The following DLX4 variants were observed in gnomAD, a reference collection of about 807,000 sequenced individuals.
The protein encoded by DLX4 is distal-less homeobox 4, also known as homeobox protein DLX-4.
DLX4 carries 13 observed loss-of-function variants against 17.1 expected under a neutral mutation model. That is an observed-to-expected ratio of 0.76 (90% CI 0.49 to 1.21). The LOEUF is 1.21. DLX4 is among the 50% of genes most tolerant of loss of function. DLX4 has a pLI of 0.00. For missense variants in DLX4, 297 were observed against 301.4 expected, an observed-to-expected ratio of 0.99 and a Z score of 0.11; for synonymous variants, 129 against 140.3, an observed-to-expected ratio of 0.92 and a Z score of 0.57.
At position 49,969,751 on chromosome 17, in the gene DLX4, G is replaced by A; in HGVS notation, c.283G>A (p.Asp95Asn). ...AGAGCACCCTCAGGAACTCGAGGCA[G>A]GTAAGTTCGGCCGTGGAGGCTCTTC... ...PAEHPQELEA[D>N]SEKPRLSPEP... Residue 95 changes from aspartate (D) to asparagine (N), a missense_variant and splice_region_variant, in exon 1 of 3, where the codon GAC (aspartate) becomes AAC (asparagine). Coordinates refer to ENST00000240306, the MANE Select transcript of DLX4 (RefSeq NM_138281.3). The A allele has an allele frequency of 9.4e-6, 15 of 1,587,852 alleles. No individual in the cohort carries two copies. The highest frequency in any genetic ancestry group is 1.7e-5 in the Admixed American group (1 of 58,846).
In DLX4 at chr17:49,973,910, C is replaced by T; in HGVS notation, c.690C>T (p.Ser230=). 4 of 1,610,876 alleles carry T rather than the reference C, an allele frequency of 2.5e-6. No homozygotes were observed. The highest frequency in any genetic ancestry group is 3.4e-6 in the Non-Finnish European group (4 of 1,178,618). Residue 230 remains serine, a synonymous_variant, in exon 3 of 3, where the codon TCC becomes TCT. Coordinates refer to ENST00000240306, the MANE Select transcript of DLX4 (RefSeq NM_138281.3). ...TTGGAGCCTGGTATCAGCATCACTC[C>T]TCAGATGTCCTGGCTTCGCCTCAGA... The part of the protein sequence containing the change: ...NSFGAWYQHH[S]SDVLASPQMM
chr17:49,974,012 C>CAGCCCAGGACCCAGGCAGTCCA lies in DLX4; in HGVS notation c.*69_*70insAGCCCAGGACCCAGGCAGTCCA. 3.3e-6 allele frequency: 5 copies of CAGCCCAGGACCCAGGCAGTCCA among 1,495,544 alleles called. No individual in the cohort carries two copies. The African/African-American group carries it at 7.0e-5, about 21-fold the overall frequency. 92.6% of individuals were successfully genotyped at this position (1,495,544 alleles called of 1,614,324 possible). ...CCAGGACCCAGGCAGTCCACCTGCA[C>CAGCCCAGGACCCAGGCAGTCCA]CCCTTCTGGGCTGGGAGGAAACCAG... On this transcript the variant is annotated 3_prime_UTR_variant, in exon 3 of 3. Transcript: ENST00000240306.
chr17:49,969,310 G>A lies in DLX4; in HGVS notation c.-159G>A. The A allele has an allele frequency of 1.2e-6, 1 of 841,962 alleles. No homozygotes were observed. Among genetic ancestry groups the A allele is most frequent in the East Asian group, 3.0e-5 (1 of 33,232 alleles). 52.2% of individuals were successfully genotyped at this position (841,962 alleles called of 1,614,324 possible). A position where few individuals can be genotyped will look rare whatever the true frequency, so the allele number is the denominator to read the frequency against. On this transcript the variant is annotated 5_prime_UTR_variant, in exon 1 of 3. It removes the in-frame stop codon of an upstream open reading frame in the 5' UTR. Coordinates refer to ENST00000240306, the MANE Select transcript of DLX4 (RefSeq NM_138281.3). ...CTTTCCCAGGCGCGCGTTCTCCGCTGAAAGAGGCTCAGAGAGACACTTTCT... is the reference window on the plus strand; with the variant it reads ...CTTTCCCAGGCGCGCGTTCTCCGCTAAAAGAGGCTCAGAGAGACACTTTCT...
rs1210725250 is a variant in DLX4, at chr17:49,973,286, C to G, written c.480+17C>G. On this transcript the variant is annotated intron_variant, in intron 2 of 2. Coordinates refer to ENST00000240306, the MANE Select transcript of DLX4 (RefSeq NM_138281.3). Reference sequence around the variant, plus strand: ...CAGACCCAGGTGGGGCCAGTGTCGTCCTTCCCCATCTCTCACCTTCCCTGG... The same window carrying G: ...CAGACCCAGGTGGGGCCAGTGTCGTGCTTCCCCATCTCTCACCTTCCCTGG... 5.6e-6 allele frequency: 9 copies of G among 1,612,288 alleles called. No homozygotes were observed. Among genetic ancestry groups the G allele is most frequent in the South Asian group, 2.2e-5 (2 of 90,992 alleles).
intron 1 of DLX4, among the ~76,000 whole-genome samples, chr17:49,970,289 C>T (rs932404676): frequency 2.0e-5 from 3 of 152,216 alleles, no homozygotes; most frequent in South Asian, 2.1e-4. Context: ...TGGCCTTACC[C>T]GCTCTCCTCA....
Position 49,973,059 on chromosome 17 carries a change from G to A in DLX4, c.284-14G>A. ...CCCTCCTCGCCCCCTACACCGTGTT[G>A]TGCTGCCCACCAGACTCGGAGAAGC... is the stretch of plus-strand genomic sequence containing the variant. On this transcript the variant is annotated splice_polypyrimidine_tract_variant and intron_variant, in intron 1 of 2. Transcript: ENST00000240306. 6.2e-7 allele frequency: 1 copy of A among 1,613,916 alleles called. No individual in the cohort carries two copies. Among genetic ancestry groups the A allele is most frequent in the Non-Finnish European group, 8.5e-7 (1 of 1,179,884 alleles).
intron 1 of DLX4, 25 bp from the exon 2 acceptor site, chr17:49,973,048 T>G (rs1598148070): frequency 6.2e-7 from 1 of 1,613,308 alleles, no homozygotes; most frequent in Non-Finnish European, 8.5e-7. Flanking sequence ...CCTCGCCCCC[T>G]ACACCGTGTT....
At chr17:49,971,672 A>G (rs1905510500) in intron 1 of DLX4, among the ~76,000 whole-genome samples, 1 of 152,086 alleles carries the variant, frequency 6.6e-6, no homozygotes, top group African/African-American at 2.4e-5. Context: ...CCACGCAGCC[A>G]GAGAGGCGCG....
chr17:49,972,588 C>T lies in DLX4; in HGVS notation c.284-485C>T. The T allele has an allele frequency of 4.7e-6, 2 of 421,922 alleles. No homozygotes were observed. The highest frequency in any genetic ancestry group is 2.1e-5 in the African/African-American group (1 of 47,168). 26.1% of individuals were successfully genotyped at this position (421,922 alleles called of 1,614,324 possible). On this transcript the variant is annotated intron_variant, in intron 1 of 2. Coordinates refer to ENST00000240306, the MANE Select transcript of DLX4 (RefSeq NM_138281.3). This position sits in a 1 kb window ranked among gnomAD's most constrained non-coding sequence, Gnocchi z 5.4. ...CGGGCCTCTCACCCACCCCGCTGGCCGCAGCCGGAGGCTGCCACGCGGACA... is the reference window on the plus strand; with the variant it reads ...CGGGCCTCTCACCCACCCCGCTGGCTGCAGCCGGAGGCTGCCACGCGGACA...
In DLX4 at chr17:49,973,809, T is replaced by G; in HGVS notation, c.589T>G (p.Cys197Gly). ...FPGRTFSVSP[C>G]SPPLPSLWDL... ...TGGGAGGACCTTCTCTGTGTCTCCC[T>G]GCTCCCCACCCCTCCCCTCCCTCTG... Residue 197 changes from cysteine (C) to glycine (G), a missense_variant, in exon 3 of 3, where the codon TGC becomes GGC. By Grantham distance (159) the Cys-to-Gly change is radical (BLOSUM62 -3). Transcript: ENST00000240306. 33 of 1,606,232 alleles carry G rather than the reference T, an allele frequency of 2.1e-5. No homozygotes were observed. Among genetic ancestry groups the G allele is most frequent in the Non-Finnish European group, 2.7e-5 (32 of 1,175,872 alleles).
chr17:49,974,469 T>C lies in DLX4; in HGVS notation c.*526T>C, dbSNP rs1359162653. Reference sequence around the variant, plus strand: ...CTCCCACCCACCCAGCGATTTTTCCTTGGAGGTCAGCCCGTTACCCCCATA... The same window carrying C: ...CTCCCACCCACCCAGCGATTTTTCCCTGGAGGTCAGCCCGTTACCCCCATA... On this transcript the variant is annotated 3_prime_UTR_variant, in exon 3 of 3. Transcript: ENST00000240306. The C allele has an allele frequency of 2.0e-5, 3 of 152,138 alleles. No homozygotes were observed. Among genetic ancestry groups the C allele is most frequent in the East Asian group, 3.9e-4 (2 of 5,174 alleles). 9.4% of individuals were successfully genotyped at this position (152,138 alleles called of 1,614,324 possible). A position where few individuals can be genotyped will look rare whatever the true frequency, so the allele number is the denominator to read the frequency against.
chr17:49,968,625 G>A (rs1276037532), upstream of DLX4, among the ~76,000 whole-genome samples: 1 of 151,940 alleles, frequency 6.6e-6, no homozygotes, highest in Non-Finnish European at 1.5e-5. Context: ...CGGTCTCGGC[G>A]TGCCAGGCCC....
intron 2 of DLX4, chr17:49,973,478 C>A: frequency 2.0e-6 from 2 of 993,714 alleles, no homozygotes; most frequent in South Asian, 3.1e-5. Context: ...TGGAGTGGGT[C>A]AGGAAGAGGA....
rs948760906 is a variant in DLX4, at chr17:49,972,742, C to G, written c.284-331C>G. 2.9e-6 allele frequency: 4 copies of G among 1,382,464 alleles called. No individual in the cohort carries two copies. The highest frequency in any genetic ancestry group is 3.7e-6 in the Non-Finnish European group (4 of 1,074,300). 85.6% of individuals were successfully genotyped at this position (1,382,464 alleles called of 1,614,324 possible). On this transcript the variant is annotated intron_variant, in intron 1 of 2. Transcript: ENST00000240306. This position sits in a 1 kb window ranked among gnomAD's most constrained non-coding sequence, Gnocchi z 5.4. The stretch of plus-strand genomic sequence containing the variant: ...CCCTACCCCAAGCTGGCGCCACCGC[C>G]CGTGGCTGAACTCCGACCTCCCACC...
chr17:49,969,557 C>T lies in DLX4; in HGVS notation c.89C>T (p.Ala30Val). ...GCCCCTGTCCCGTCGGTAGCGGCTG[C>T]CTACCCGCTTGGCTTGTCCCCTACA... ...DLAPVPSVAA[A>V]YPLGLSPTTA... is the part of the protein sequence containing the mutation. Residue 30 changes from alanine to valine, a missense_variant, in exon 1 of 3, where the codon GCC (alanine) becomes GTC (valine). Coordinates refer to ENST00000240306, the MANE Select transcript of DLX4 (RefSeq NM_138281.3). 1 of 1,613,386 alleles carries T rather than the reference C, an allele frequency of 6.2e-7. No homozygotes were observed. Among genetic ancestry groups the T allele is most frequent in the Non-Finnish European group, 8.5e-7 (1 of 1,179,954 alleles).
At chr17:49,968,845 A>G (rs1240586291), upstream of DLX4, 1 of 152,238 alleles carries the variant, frequency 6.6e-6, no homozygotes. Flanking sequence ...CGACGTGCAG[A>G]TCCCCGAAAT....
intron 2 of DLX4, 45 bp from the exon 3 acceptor site, chr17:49,973,656 T>G: frequency 6.7e-7 from 1 of 1,495,714 alleles, no homozygotes. Flanking sequence ...TTTTCACACA[T>G]ATCTTCCTCC....
intron 1 of DLX4, among the ~76,000 whole-genome samples, chr17:49,971,567 G>C (rs1427003655): frequency 6.6e-6 from 1 of 151,990 alleles, no homozygotes; most frequent in African/African-American, 2.4e-5. Context: ...GAACTTGGAG[G>C]GGGTCTGCTG....
chr17:49,969,112 G>A (rs1905404294), upstream of DLX4: 1 of 232,776 alleles, frequency 4.3e-6, no homozygotes, highest in Non-Finnish European at 8.3e-6. Context: ...GTCCCGGGGG[G>A]CGGGGCCCGG....
Sources: allele counts gnomAD v4.1 joint callset (sites outside exome capture counted in the v4.1 genomes callset), GRCh38; gene constraint gnomAD v4.1.1; non-coding constraint Gnocchi (gnomAD v3.1); transcripts MANE v1.5; gene names NCBI Gene and HGNC (gene_info 2026-07-23, HGNC 2026-07-21).